CDC42BPA: variants seen among roughly 807,000 people sequenced by gnomAD.
CDC42BPA encodes serine/threonine-protein kinase MRCK alpha.
Under a neutral mutation model 223.5 loss-of-function variants are expected in CDC42BPA, and 80 were observed. The observed-to-expected ratio is 0.36, with a 90% CI of 0.30 to 0.43. CDC42BPA has a LOEUF of 0.43. Ranked by LOEUF, CDC42BPA falls within the 20% of genes least tolerant of loss-of-function variation. The pLI, the probability that CDC42BPA is intolerant of heterozygous loss-of-function variation, is 1.00. For missense variants in CDC42BPA, 1,743 were observed against 2,099.9 expected (o/e 0.83, Z 3.32); for synonymous variants, 694 against 718.6 (o/e 0.97, Z 0.55).
chr1:227,011,132 C>T, intron 34 of CDC42BPA: 1 of 827,024 alleles, frequency 1.2e-6, no homozygotes, highest in Non-Finnish European at 1.7e-6. Context: ...TTTCACAAAA[C>T]ATGCACACAG....
chr1:227,069,911 AT>A (rs1677923248), intron 20 of CDC42BPA, 58 bp from the exon 21 acceptor site: 1 of 1,149,934 alleles, frequency 8.7e-7, no homozygotes, highest in Non-Finnish European at 1.3e-6. Flanking sequence ...ATTTTAATGG[AT>A]AACCTTCCCT....
In CDC42BPA at chr1:227,161,832, A is replaced by G. The variant is rs542503602; in HGVS notation, c.600-1196T>C. Among the ~76,000 whole-genome samples the G allele has an allele frequency of 2.6e-5, 4 of 152,348 alleles. No homozygotes were observed. The East Asian group carries it at 5.8e-4, about 22-fold the overall frequency. ...AGGCTGTTTATAGAAAAAGTTTTCAAACCCCTATTGTAGATGATAGATGGT... is the reference window on the plus strand; with the variant it reads ...AGGCTGTTTATAGAAAAAGTTTTCAGACCCCTATTGTAGATGATAGATGGT... On this transcript the variant is annotated intron_variant, in intron 5 of 36. Coordinates refer to ENST00000366766, the MANE Select transcript of CDC42BPA (RefSeq NM_001394014.1).
At chr1:227,315,917 G>A (rs1694299227) in intron 1 of CDC42BPA, among the ~76,000 whole-genome samples, 1 of 133,290 alleles carries the variant, frequency 7.5e-6, no homozygotes, top group Admixed American at 8.3e-5. Flanking sequence ...TGTATCAGTG[G>A]TTTACCTGAG....
At chr1:227,236,063 C>A (rs897250284) in intron 2 of CDC42BPA, among the ~76,000 whole-genome samples, 8 of 152,088 alleles carry the variant, frequency 5.3e-5, no homozygotes, top group Non-Finnish European at 1.0e-4. Flanking sequence ...TAGCATAATT[C>A]TTTTAATAGA....
chr1:227,147,652 T>A, intron 6 of CDC42BPA, 93 bp from the exon 7 acceptor site: 1 of 610,570 alleles, frequency 1.6e-6, no homozygotes, highest in Non-Finnish European at 2.7e-6. Context: ...TATTATCTCA[T>A]AAACACATCT....
intron 1 of CDC42BPA, among the ~76,000 whole-genome samples, chr1:227,281,848 C>A (rs16847561): frequency 6.6e-6 from 1 of 152,090 alleles, no homozygotes; most frequent in Admixed American, 6.5e-5. Context: ...CTACCTGGCT[C>A]TGGGTAAAAC....
At position 226,992,657 on chromosome 1, in the gene CDC42BPA, G is replaced by A. The variant is rs1316543058; in HGVS notation, c.*1611C>T. ...TTCTTCATTTTCACTGAATTTTAAA[G>A]AGAGAATCCTGTCTCTATTTCTCAG... On this transcript the variant is annotated 3_prime_UTR_variant, in exon 37 of 37. Coordinates refer to ENST00000366766, the MANE Select transcript of CDC42BPA (RefSeq NM_001394014.1). 6.6e-6 allele frequency: 1 copy of A among 152,244 alleles called. No individual in the cohort carries two copies. The highest frequency in any genetic ancestry group is 2.4e-5 in the African/African-American group (1 of 41,462). The allele number at this position is 152,244 out of a possible 1,614,324, so 9.4% of individuals were successfully genotyped here.
At chr1:227,079,437 A>G (rs1680181546) in intron 17 of CDC42BPA, among the ~76,000 whole-genome samples, 1 of 152,172 alleles carries the variant, frequency 6.6e-6, no homozygotes, top group Admixed American at 6.5e-5. Context: ...GTAGTCTAGT[A>G]TCACAGGTTT....
intron 2 of CDC42BPA, among the ~76,000 whole-genome samples, chr1:227,215,957 T>A (rs1674745297): frequency 2.0e-5 from 3 of 152,198 alleles, no homozygotes; most frequent in Admixed American, 1.3e-4. Flanking sequence ...AACTTAAATA[T>A]TCTACATGAT....
intron 18 of CDC42BPA, 86 bp downstream of exon 18, chr1:227,074,173 A>G: frequency 7.6e-7 from 1 of 1,317,098 alleles, no homozygotes; most frequent in Non-Finnish European, 1.1e-6. Flanking sequence ...AAACAAACTG[A>G]TATAAGTAAT....
chr1:227,040,276 A>C (rs185226754), intron 23 of CDC42BPA, 40 bp from the exon 24 acceptor site: 1 of 1,298,534 alleles, frequency 7.7e-7, no homozygotes, highest in Non-Finnish European at 1.1e-6. Context: ...AGATTGTTTA[A>C]AAGATTTCCA....
intron 1 of CDC42BPA, among the ~76,000 whole-genome samples, chr1:227,303,607 A>G (rs1243643773): frequency 6.6e-6 from 1 of 152,208 alleles, no homozygotes; most frequent in Non-Finnish European, 1.5e-5. Flanking sequence ...CTCAACTTCC[A>G]GAGGTTCCTA....
At chr1:227,145,443 T>C in intron 8 of CDC42BPA, 46 bp downstream of exon 8, 3 of 1,555,518 alleles carry the variant, frequency 1.9e-6, no homozygotes, top group Non-Finnish European at 2.6e-6. Context: ...ATAACCATAG[T>C]AGAAAGAAAC....
At chr1:227,035,130 T>C (rs916096379) in intron 25 of CDC42BPA, among the ~76,000 whole-genome samples, 22 of 152,174 alleles carry the variant, frequency 1.4e-4, no homozygotes, top group African/African-American at 4.1e-4. Flanking sequence ...TCAGCTTACA[T>C]TGTAAATACT....
At chr1:227,263,520 C>T (rs1484609620) in intron 1 of CDC42BPA, among the ~76,000 whole-genome samples, 3 of 151,884 alleles carry the variant, frequency 2.0e-5, no homozygotes, top group Non-Finnish European at 4.4e-5. Context: ...CAATTTAGAA[C>T]TTTTCTTTTA....
chr1:227,129,327 T>C, intron 10 of CDC42BPA, 96 bp from the exon 11 acceptor site: 1 of 929,304 alleles, frequency 1.1e-6, no homozygotes, highest in South Asian at 1.6e-5. Flanking sequence ...TCTTATACAA[T>C]TTTATAGAAC....
Position 226,994,688 on chromosome 1 carries a change from G to A in CDC42BPA, c.5133+135C>T, listed in dbSNP as rs1477054614. 12 of 936,416 alleles carry A rather than the reference G, an allele frequency of 1.3e-5. No individual in the cohort carries two copies. Among genetic ancestry groups the A allele is most frequent in the Non-Finnish European group, 1.8e-5 (11 of 626,900 alleles). The allele number at this position is 936,416 out of a possible 1,614,324, so 58.0% of individuals were successfully genotyped here. A position where few individuals can be genotyped will look rare whatever the true frequency, so the allele number is the denominator to read the frequency against. On this transcript the variant is annotated intron_variant, in intron 36 of 36. Transcript: ENST00000366766. The surrounding 1 kb of genome is among the most constrained non-coding windows in gnomAD (Gnocchi z 4.0). ...GCCCGAGTGACTGGCCTAGCTGCCC[G>A]CTGGCCAAGAGTGAATGCTGGCCCC... is the stretch of plus-strand genomic sequence containing the variant.
chr1:227,252,361 G>A (rs926981961), intron 2 of CDC42BPA, among the ~76,000 whole-genome samples: 1 of 151,996 alleles, frequency 6.6e-6, no homozygotes, highest in Non-Finnish European at 1.5e-5. Context: ...CACAGAACAA[G>A]TCATTTTATT....
At chr1:227,190,538 A>C (rs1351711423) in intron 5 of CDC42BPA, among the ~76,000 whole-genome samples, 4 of 145,862 alleles carry the variant, frequency 2.7e-5, no homozygotes, top group Non-Finnish European at 4.5e-5. Context: ...GACTCACTCC[A>C]TCATCTCTTA....
Sources: allele counts gnomAD v4.1 joint callset (sites outside exome capture counted in the v4.1 genomes callset), GRCh38; gene constraint gnomAD v4.1.1; non-coding constraint Gnocchi (gnomAD v3.1); transcripts MANE v1.5; gene names NCBI Gene and HGNC (gene_info 2026-07-23, HGNC 2026-07-21).